Variants in BRWD3 observed in about 807,000 individuals in gnomAD.
BRWD3 encodes bromodomain and WD repeat domain containing 3.
BRWD3 carries 10 observed loss-of-function variants against 149.7 expected under a neutral mutation model. The ratio of observed to expected loss-of-function variants is 0.07; its 90% CI spans 0.04 to 0.11. The LOEUF is 0.11. Among genes scored for constraint, BRWD3 ranks in the 10% least tolerant of loss-of-function variants. BRWD3 has a pLI of 1.00. For synonymous variants in BRWD3, 504 were observed against 456.7 expected (o/e 1.10, Z -1.32); for missense variants, 940 against 1,373.2 (o/e 0.68, Z 4.99).
chrX:80,788,949 C>T (rs1038543564), intron 6 of BRWD3, among the ~76,000 whole-genome samples: 8 of 111,841 alleles, frequency 7.2e-5, no homozygotes, highest in African/African-American at 2.6e-4. Flanking sequence ...GCAAACGATA[C>T]TGAGGCTGAT....
intron 16 of BRWD3, 44 bp from the exon 17 acceptor site, chrX:80,722,831 A>G: frequency 9.5e-7 from 1 of 1,056,108 alleles, no homozygotes; most frequent in Non-Finnish European, 1.3e-6. Flanking sequence ...CAGGGAATTT[A>G]TAAGTAAATA....
rs1298385404 is a variant in BRWD3, at chrX:80,744,157, C to T, written c.688G>A (p.Val230Ile). 1.7e-6 allele frequency: 2 copies of T among 1,210,970 alleles called. No individual in the cohort carries two copies. The highest frequency in any genetic ancestry group is 1.8e-5 in the South Asian group (1 of 56,961). ...GCAATAAGAGTGTTTTCATAGTTAA[C>T]AGCCATGTCAGAAATTTCAGCAGAG... ...GHSAEISDMA[V>I]NYENTLIAAG... The change falls in exon 8 of 41, where the codon GTT becomes ATT. Residue 230 changes from valine (V) to isoleucine (I), a missense_variant. Around this residue, in one of 6 missense-constraint regions of BRWD3, gnomAD observed 209 missense variants for 396.8 expected, o/e 0.53. Transcript: ENST00000373275.
chrX:80,765,070 C>T (rs1385467415), intron 6 of BRWD3, among the ~76,000 whole-genome samples: 1 of 111,307 alleles, frequency 9.0e-6, no homozygotes, highest in African/African-American at 3.3e-5. Flanking sequence ...ACTTAGTTGC[C>T]CCACTAGCAA....
At chrX:80,762,496 ACTC>A (rs1451665116) in intron 6 of BRWD3, among the ~76,000 whole-genome samples, 2 of 108,929 alleles carry the variant, frequency 1.8e-5, no homozygotes, top group African/African-American at 3.4e-5. Flanking sequence ...AAAGCGGTGA[ACTC>A]CTCCTCATTT....
At chrX:80,794,903 T>C (rs1260270312) in intron 4 of BRWD3, among the ~76,000 whole-genome samples, 1 of 111,501 alleles carries the variant, frequency 9.0e-6, no homozygotes, top group Non-Finnish European at 1.9e-5. Flanking sequence ...ATGATAAGAA[T>C]ACAAGTGAAA....
rs767175895 is a variant in BRWD3 at position 80,722,630 on chromosome X, C to T, written c.1808G>A (p.Arg603Gln). ...ACAATTTTCCCGTCCTGGTACCAACCGTTGGAATTTTGTGGGATGAGGATT... is the reference window on the plus strand; with the variant it reads ...ACAATTTTCCCGTCCTGGTACCAACTGTTGGAATTTTGTGGGATGAGGATT... ...DGNPHPTKFQ[R>Q]LVPGRENCKD... is the part of the protein sequence containing the mutation. Residue 603 changes from arginine (R) to glutamine (Q), a missense_variant, in exon 17 of 41, where the codon CGG becomes CAG. Around this residue, in one of 6 missense-constraint regions of BRWD3, gnomAD observed 209 missense variants for 396.8 expected, o/e 0.53. Coordinates refer to ENST00000373275, the MANE Select transcript of BRWD3 (RefSeq NM_153252.5). 50 of 1,209,601 alleles carry T rather than the reference C, an allele frequency of 4.1e-5. No homozygotes were observed. Among genetic ancestry groups the T allele is most frequent in the Non-Finnish European group, 5.5e-5 (49 of 895,165 alleles).
rs1213849891 is a variant in BRWD3 at position 80,696,532 on chromosome X, AC to A, written c.3068+206del. On this transcript the variant is annotated intron_variant, in intron 26 of 40. Coordinates refer to ENST00000373275, the MANE Select transcript of BRWD3 (RefSeq NM_153252.5). ...CCATAACATAAATACACACACACACACACACACACACACACACACACACACA... is the reference window on the plus strand; with the variant it reads ...CCATAACATAAATACACACACACACAACACACACACACACACACACACACA... Among the ~76,000 whole-genome samples the A allele has an allele frequency of 2.1e-4, 22 of 106,993 alleles. 1 individual carries two copies. The highest frequency in any genetic ancestry group is 7.5e-4 in the African/African-American group (22 of 29,511). The allele number at this position is 106,993 out of a possible 115,157, so 92.9% of individuals were successfully genotyped here.
intron 18 of BRWD3, among the ~76,000 whole-genome samples, chrX:80,719,172 G>A (rs1035214325): frequency 3.1e-4 from 34 of 110,070 alleles, no homozygotes; most frequent in African/African-American, 1.1e-3. Flanking sequence ...AAACTATATA[G>A]GTTGTTTCCT....
intron 4 of BRWD3, among the ~76,000 whole-genome samples, chrX:80,796,685 C>G (rs1257147841): frequency 8.9e-6 from 1 of 111,821 alleles, no homozygotes. Flanking sequence ...TGTCATGATG[C>G]TCCGGAAGAA....
intron 11 of BRWD3, 71 bp downstream of exon 11, chrX:80,734,047 T>C: frequency 1.3e-6 from 1 of 783,893 alleles, no homozygotes; most frequent in Non-Finnish European, 2.0e-6. Context: ...ATGGTACAGA[T>C]CAGAAAAGAA....
intron 4 of BRWD3, among the ~76,000 whole-genome samples, chrX:80,806,635 C>G (rs1485622831): frequency 1.8e-5 from 2 of 112,210 alleles, no homozygotes; most frequent in South Asian, 3.6e-4. Context: ...GACCACCTAA[C>G]TATGCAAAGT....
chrX:80,735,953 A>AG, intron 9 of BRWD3, 35 bp downstream of exon 9: 1 of 1,002,518 alleles, frequency 1.0e-6, no homozygotes. Context: ...TAAAAAATTA[A>AG]CATGCTTAAT....
rs574496274 is a variant in BRWD3 at position 80,736,870 on chromosome X, T to A, written c.814-782A>T. Among the ~76,000 whole-genome samples the A allele has an allele frequency of 1.7e-4, 19 of 111,495 alleles. No individual in the cohort carries two copies. The Middle Eastern group carries it at 0.018, about 108-fold the overall frequency. ...TGATGTCTGGGACACAGGAAAAAGC[T>A]GAAAATTGGACAAGAGTTTCTGGCA... On this transcript the variant is annotated intron_variant, in intron 8 of 40. Transcript: ENST00000373275.
At chrX:80,806,890 G>T (rs1285918559) in intron 4 of BRWD3, among the ~76,000 whole-genome samples, 4 of 111,725 alleles carry the variant, frequency 3.6e-5, no homozygotes, top group Non-Finnish European at 7.5e-5. Context: ...GGGTTTTTTT[G>T]GTGAGGAGAC....
Position 80,704,767 on chromosome X carries a change from T to C in BRWD3, c.2632A>G (p.Thr878Ala). The change falls in exon 23 of 41, where the codon ACA (threonine) becomes GCA (alanine). Residue 878 changes from threonine (T) to alanine (A), a missense_variant. Physicochemically the swap from Thr to Ala is moderately conservative, Grantham distance 58. This residue lies in a region of BRWD3 where 158 missense variants were observed against 284.0 expected (regional missense o/e 0.56). Transcript: ENST00000373275. ...LQPPKRQTRQ[T>A]TRKICSSSDE... ...GAGCTGCTGCATATTTTACGTGTTG[T>C]CTGTCTGGTTTGTCTTTTTGGGGGT... 1 of 1,211,323 alleles carries C rather than the reference T, an allele frequency of 8.3e-7. No individual in the cohort carries two copies. The highest frequency in any genetic ancestry group is 1.8e-5 in the South Asian group (1 of 57,035).
intron 6 of BRWD3, among the ~76,000 whole-genome samples, chrX:80,782,954 T>C (rs772886292): frequency 3.8e-5 from 4 of 106,161 alleles, no homozygotes; most frequent in Non-Finnish European, 7.7e-5. Context: ...AACAACTCAA[T>C]AGAAAAAAAA....
chrX:80,784,216 C>G (rs1256765565), intron 6 of BRWD3, among the ~76,000 whole-genome samples: 1 of 110,657 alleles, frequency 9.0e-6, no homozygotes, highest in African/African-American at 3.3e-5. Flanking sequence ...TACTATGTAC[C>G]TATAAAAACC....
intron 8 of BRWD3, among the ~76,000 whole-genome samples, chrX:80,738,919 G>C (rs1457902962): frequency 8.9e-6 from 1 of 111,825 alleles, no homozygotes; most frequent in Non-Finnish European, 1.9e-5. Flanking sequence ...ACAGAGCACT[G>C]TGAGTCACTG....
chrX:80,783,196 G>A (rs183969460), intron 6 of BRWD3, among the ~76,000 whole-genome samples: 2 of 110,052 alleles, frequency 1.8e-5, no homozygotes, highest in East Asian at 5.7e-4. Context: ...GACCAGCCTG[G>A]CCAACGTGGT....
Sources: gnomAD v4.1 joint callset for allele counts (sites outside exome capture counted in the v4.1 genomes callset) on GRCh38, gnomAD v4.1.1 for gene constraint, gnomAD v4.1.1 regional missense constraint, MANE v1.5 for transcripts, NCBI Gene and HGNC (gene_info 2026-07-23, HGNC 2026-07-21) for gene names.